Variants in TBL1XR1 observed in about 807,000 individuals in gnomAD.
The protein encoded by TBL1XR1 is F-box-like/WD repeat-containing protein TBL1XR1.
A neutral mutation model predicts 66.9 loss-of-function variants in TBL1XR1; 5 were observed. The observed-to-expected ratio is 0.07, with a 90% CI of 0.04 to 0.16. The LOEUF (loss-of-function observed/expected upper bound fraction) is 0.16, where lower values mean the gene tolerates loss of function less well. Among genes scored for constraint, TBL1XR1 ranks in the 10% least tolerant of loss-of-function variants. The pLI is 1.00. For missense variants in TBL1XR1, 238 were observed against 623.2 expected, an observed-to-expected ratio of 0.38 and a Z score of 6.58; for synonymous variants, 210 against 206.0, an observed-to-expected ratio of 1.02 and a Z score of -0.17.
chr3:177,029,887 A>G (rs963470613), intron 14 of TBL1XR1, among the ~76,000 whole-genome samples: 1 of 152,228 alleles, frequency 6.6e-6, no homozygotes, highest in African/African-American at 2.4e-5. Context: ...GACAATCAAG[A>G]AAATGCAAAT....
intron 1 of TBL1XR1, among the ~76,000 whole-genome samples, chr3:177,117,427 G>A (rs1318014664): frequency 2.0e-5 from 3 of 152,152 alleles, no homozygotes; most frequent in Non-Finnish European, 2.9e-5. Context: ...CTTTATTTTG[G>A]TATTGAAAGT....
In TBL1XR1 at chr3:177,035,507, G is replaced by A. The variant is rs569548677; in HGVS notation, c.1123-1182C>T. Among the ~76,000 whole-genome samples, 20 of 148,122 alleles carry A rather than the reference G, an allele frequency of 1.4e-4. 1 individual carries two copies. Among genetic ancestry groups the A allele is most frequent in the African/African-American group, 4.0e-4 (16 of 39,710 alleles). On this transcript the variant is annotated intron_variant, in intron 12 of 15. Transcript: ENST00000457928. ...TTGGCTCACTGCAACTCCGTCCCCCGGGTTCACGCAATTCTCCTGCCTCAG... is the reference window on the plus strand; with the variant it reads ...TTGGCTCACTGCAACTCCGTCCCCCAGGTTCACGCAATTCTCCTGCCTCAG...
chr3:177,182,080 A>G (rs1362113085), intron 1 of TBL1XR1, among the ~76,000 whole-genome samples: 2 of 152,114 alleles, frequency 1.3e-5, no homozygotes, highest in African/African-American at 4.8e-5. Context: ...TATCAAGCAG[A>G]CCCTCAAAAT....
Position 177,046,167 on chromosome 3 carries a change from T to C in TBL1XR1, c.887A>G (p.His296Arg). 1.3e-6 allele frequency: 2 copies of C among 1,539,262 alleles called. No homozygotes were observed. Among genetic ancestry groups the C allele is most frequent in the Non-Finnish European group, 1.7e-6 (2 of 1,143,792 alleles). The change falls in exon 10 of 16, where the codon CAT (histidine) becomes CGT (arginine). Residue 296 changes from histidine (H) to arginine (R), a missense_variant. Physicochemically the swap from His to Arg is conservative, Grantham distance 29. Transcript: ENST00000457928. ...VDKTTIIWDA[H>R]TGEAKQQFPF... ...AAACTGTTGCTTGGCTTCACCAGTA[T>C]GTGCGTCCCAAATAATTGTAGTCTG...
intron 1 of TBL1XR1, among the ~76,000 whole-genome samples, chr3:177,135,373 ATATATATATG>A (rs1369393674): frequency 0.021 from 680 of 31,694 alleles, 25 homozygotes; most frequent in African/African-American, 0.081. Flanking sequence ...ATATATATAT[ATATATATATG>A]TATGTATTTT....
intron 2 of TBL1XR1, among the ~76,000 whole-genome samples, chr3:177,087,783 G>T (rs1722334839): frequency 6.6e-6 from 1 of 152,062 alleles, no homozygotes; most frequent in South Asian, 2.1e-4. Flanking sequence ...TCTTCAAATG[G>T]CTTCAATACA....
intron 1 of TBL1XR1, among the ~76,000 whole-genome samples, chr3:177,125,527 A>G (rs1342216586): frequency 1.3e-5 from 2 of 152,346 alleles, no homozygotes; most frequent in South Asian, 2.1e-4. Flanking sequence ...TAATGAATTA[A>G]CAGGATTTTA....
chr3:177,169,926 A>C (rs1307006462), intron 1 of TBL1XR1, among the ~76,000 whole-genome samples: 1 of 152,198 alleles, frequency 6.6e-6, no homozygotes, highest in Non-Finnish European at 1.5e-5. Flanking sequence ...CACCTGGGAA[A>C]CTGCTGAAAA....
At chr3:177,119,334 C>G (rs1052072323) in intron 1 of TBL1XR1, among the ~76,000 whole-genome samples, 4 of 152,140 alleles carry the variant, frequency 2.6e-5, no homozygotes, top group Non-Finnish European at 5.9e-5. Context: ...ATATTTACAC[C>G]CTACCCAATT....
At chr3:177,142,545 C>T (rs1368966055) in intron 1 of TBL1XR1, among the ~76,000 whole-genome samples, 1 of 152,128 alleles carries the variant, frequency 6.6e-6, no homozygotes, top group Admixed American at 6.6e-5. Flanking sequence ...CTAGTCTTCA[C>T]CTGGTGCAAA....
At chr3:177,033,634 A>G (rs939712002) in intron 13 of TBL1XR1, among the ~76,000 whole-genome samples, 1 of 152,170 alleles carries the variant, frequency 6.6e-6, no homozygotes, top group African/African-American at 2.4e-5. Flanking sequence ...AACTTGAAAC[A>G]ATAATAAAAC....
At chr3:177,135,333 G>GTATATA (rs1560213916) in intron 1 of TBL1XR1, among the ~76,000 whole-genome samples, 3 of 53,818 alleles carry the variant, frequency 5.6e-5, no homozygotes, top group Non-Finnish European at 7.4e-5. Flanking sequence ...GTGTGTGTGT[G>GTATATA]TATACATATA....
intron 10 of TBL1XR1, among the ~76,000 whole-genome samples, chr3:177,041,864 G>C (rs139479072): frequency 1.3e-5 from 2 of 152,094 alleles, no homozygotes; most frequent in East Asian, 3.9e-4. Context: ...AAGCACGACT[G>C]CCATCATTTC....
intron 1 of TBL1XR1, chr3:177,126,129 G>T (rs574825994): frequency 1.3e-5 from 2 of 152,094 alleles, no homozygotes; most frequent in African/African-American, 4.8e-5. Context: ...ATCAGTTACC[G>T]CATTTTTAAA....
chr3:177,055,567 G>T, intron 3 of TBL1XR1, among the ~76,000 whole-genome samples: 1 of 148,228 alleles, frequency 6.7e-6, no homozygotes, highest in East Asian at 2.0e-4. Flanking sequence ...GGGTGGGGGG[G>T]TGGGGGCGGA....
chr3:177,199,749 A>G (rs1737305856), upstream of TBL1XR1, among the ~76,000 whole-genome samples: 1 of 152,114 alleles, frequency 6.6e-6, no homozygotes, highest in Non-Finnish European at 1.5e-5. Context: ...ACCCTACACC[A>G]AGCTGCCTCC....
chr3:177,163,732 TGGTAGG>T (rs1358946585), intron 1 of TBL1XR1, among the ~76,000 whole-genome samples: 8 of 151,998 alleles, frequency 5.3e-5, no homozygotes, highest in East Asian at 1.9e-4. Flanking sequence ...GAAAGTAACT[TGGTAGG>T]GGTAGGGGTA....
At chr3:177,198,969 T>G (rs1213402213), upstream of TBL1XR1, among the ~76,000 whole-genome samples, 3 of 151,864 alleles carry the variant, frequency 2.0e-5, no homozygotes, top group Non-Finnish European at 4.4e-5. Context: ...ATTAGACAGG[T>G]GCTTTCTTGG....
At chr3:177,073,039 G>A (rs1452296156) in intron 2 of TBL1XR1, among the ~76,000 whole-genome samples, 1 of 152,060 alleles carries the variant, frequency 6.6e-6, no homozygotes, top group Non-Finnish European at 1.5e-5. Flanking sequence ...ACTCCAACCT[G>A]GGTGACAAAG....
Sources: allele counts gnomAD v4.1 joint callset (sites outside exome capture counted in the v4.1 genomes callset), GRCh38; gene constraint gnomAD v4.1.1; transcripts MANE v1.5; gene names NCBI Gene and HGNC (gene_info 2026-07-23, HGNC 2026-07-21).